Variants in MX2 observed in about 807,000 individuals in gnomAD.
The protein encoded by MX2 is interferon-induced GTP-binding protein Mx2.
Under a neutral mutation model 74.0 loss-of-function variants are expected in MX2, and 51 were observed. The ratio of observed to expected loss-of-function variants is 0.69; its 90% confidence interval spans 0.55 to 0.87. The LOEUF (loss-of-function observed/expected upper bound fraction) is 0.87, where lower values mean the gene tolerates loss of function less well. MX2 is among the 40% of genes least tolerant of loss of function. MX2 has a pLI of 0.00. For synonymous variants in MX2, 369 were observed against 339.3 expected (o/e 1.09, Z -0.96); for missense variants, 832 against 908.7 (o/e 0.92, Z 1.09).
At chr21:41,384,207 G>A (rs915367771) in intron 5 of MX2, among the ~76,000 whole-genome samples, 6 of 152,124 alleles carry the variant, frequency 3.9e-5, no homozygotes, top group East Asian at 1.9e-4. Context: ...TGTTAAGCCC[G>A]TGGAACTGCG....
intron 6 of MX2, among the ~76,000 whole-genome samples, chr21:41,393,721 T>A (rs1370068947): frequency 1.3e-5 from 2 of 152,128 alleles, no homozygotes; most frequent in African/African-American, 4.8e-5. Context: ...TGCCAGTGAC[T>A]CCCAAATCTG....
intron 8 of MX2, 48 bp from the exon 9 acceptor site, chr21:41,398,849 G>C: frequency 6.3e-7 from 1 of 1,591,044 alleles, no homozygotes; most frequent in Non-Finnish European, 8.6e-7. Context: ...AAATCAGTTG[G>C]CCAATCTCTT....
Position 41,380,066 on chromosome 21 carries a change from T to G in MX2, c.492T>G (p.Cys164Trp). The G allele has an allele frequency of 6.2e-7, 1 of 1,614,012 alleles. No homozygotes were observed. The highest frequency in any genetic ancestry group is 1.1e-5 in the South Asian group (1 of 91,082). The change falls in exon 4 of 14, where the codon TGT (cysteine) becomes TGG (tryptophan). Residue 164 changes from cysteine to tryptophan, a missense_variant. Coordinates refer to ENST00000330714, the MANE Select transcript of MX2 (RefSeq NM_002463.2). This position sits in a 1 kb window ranked among gnomAD's most constrained non-coding sequence, Gnocchi z 4.3. ...PLVLKLKKQP[C>W]EAWAGRISYR... The stretch of plus-strand genomic sequence containing the variant: ...TGCTGAAACTGAAAAAGCAGCCCTG[T>G]GAGGCATGGGCCGGAAGGATCAGCT...
In MX2 at chr21:41,379,890, G is replaced by A. The variant is rs149565748; in HGVS notation, c.443-127G>A. On this transcript the variant is annotated intron_variant, in intron 3 of 13. Coordinates refer to ENST00000330714, the MANE Select transcript of MX2 (RefSeq NM_002463.2). ...GTCCAGACCCCCTCACCTACTACCA[G>A]GCCCCAGGGAGAGCCAGAAAGTGCA... The A allele has an allele frequency of 1.3e-3, 1,613 of 1,218,870 alleles. 3 individuals carry two copies. Among genetic ancestry groups the A allele is most frequent in the Admixed American group, 3.2e-3 (155 of 48,002 alleles). The allele number at this position is 1,218,870 out of a possible 1,614,324, so 75.5% of individuals were successfully genotyped here.
At position 41,380,067 on chromosome 21, in the gene MX2, G is replaced by A. The variant is rs764863320; in HGVS notation, c.493G>A (p.Glu165Lys). The A allele has an allele frequency of 1.1e-5, 17 of 1,613,936 alleles. No homozygotes were observed. The highest frequency in any genetic ancestry group is 1.4e-5 in the Non-Finnish European group (16 of 1,179,940). Residue 165 changes from glutamate to lysine, a missense_variant, in exon 4 of 14, where the codon GAG becomes AAG. Glu to Lys is a moderately conservative substitution (Grantham distance 56). Coordinates refer to ENST00000330714, the MANE Select transcript of MX2 (RefSeq NM_002463.2). The surrounding 1 kb of genome is among the most constrained non-coding windows in gnomAD (Gnocchi z 4.3). ...LVLKLKKQPCEAWAGRISYRN... is the reference protein window; with the variant it reads ...LVLKLKKQPCKAWAGRISYRN... Reference sequence around the variant, plus strand: ...GCTGAAACTGAAAAAGCAGCCCTGTGAGGCATGGGCCGGAAGGATCAGCTA... The same window carrying A: ...GCTGAAACTGAAAAAGCAGCCCTGTAAGGCATGGGCCGGAAGGATCAGCTA...
rs2089430571 is a variant in MX2, at chr21:41,377,956, A to G, written c.417A>G (p.Ser139=). The part of the protein sequence containing the change: ...SGKSSVLEAL[S]GVALPRGSGI... ...AGAGCTCTGTGCTGGAGGCACTGTC[A>G]GGAGTCGCGCTTCCCAGAGGCAGCG... The change falls in exon 3 of 14, where the codon TCA becomes TCG. Residue 139 remains serine (S), a synonymous_variant. Transcript: ENST00000330714. 6.2e-7 allele frequency: 1 copy of G among 1,613,936 alleles called. No homozygotes were observed. The highest frequency in any genetic ancestry group is 8.5e-7 in the Non-Finnish European group (1 of 1,179,796).
intron 5 of MX2, 143 bp from the exon 6 acceptor site, chr21:41,390,422 G>C: frequency 1.6e-6 from 2 of 1,231,172 alleles, no homozygotes; most frequent in Admixed American, 3.7e-5. Context: ...GCATTCCCAG[G>C]ACGGGGCTCG....
At chr21:41,407,919 A>G in intron 13 of MX2, 72 bp from the exon 14 acceptor site, 2 of 1,586,100 alleles carry the variant, frequency 1.3e-6, no homozygotes, top group Non-Finnish European at 1.7e-6. Flanking sequence ...CAGGAACTCC[A>G]TGCCTTCTCT....
Position 41,383,966 on chromosome 21 carries a change from C to A in MX2, c.732+1402C>A, listed in dbSNP as rs1428893364. On this transcript the variant is annotated intron_variant, in intron 5 of 13. Transcript: ENST00000330714. ...CCCAAATCTCATCTCAAATTGTAAT[C>A]CCCACGTGTCAAGGGAGGGACCAGG... is the stretch of plus-strand genomic sequence containing the variant. 3.3e-5 allele frequency among the ~76,000 whole-genome samples: 5 copies of A among 152,210 alleles called. No homozygotes were observed. In the East Asian group the frequency reaches 5.8e-4, roughly 18 times the overall value.
At chr21:41,398,107 C>T (rs971884776) in intron 8 of MX2, among the ~76,000 whole-genome samples, 4 of 152,060 alleles carry the variant, frequency 2.6e-5, no homozygotes, top group South Asian at 2.1e-4. Context: ...GTCAAGAATT[C>T]GAGACCAGCC....
At chr21:41,367,277 AAGG>A (rs2089273968) in intron 1 of MX2, 1 of 152,190 alleles carries the variant, frequency 6.6e-6, no homozygotes, top group African/African-American at 2.4e-5. Context: ...TCTTTATATT[AAGG>A]AGATTAAATA....
intron 10 of MX2, chr21:41,401,282 T>G (rs2089810761): frequency 6.6e-6 from 1 of 152,188 alleles, no homozygotes; most frequent in Admixed American, 6.5e-5. Flanking sequence ...GCTGTTGTGT[T>G]TTTGTTCTGG....
At position 41,388,810 on chromosome 21, in the gene MX2, G is replaced by A. The variant is rs1200092537; in HGVS notation, c.733-1755G>A. ...CGGTGATTCCCAGCCCAGAGCTTTT[G>A]TACCCCCAGGGGACACTGGCAATGT... On this transcript the variant is annotated intron_variant, in intron 5 of 13. Coordinates refer to ENST00000330714, the MANE Select transcript of MX2 (RefSeq NM_002463.2). This position sits in a 1 kb window ranked among gnomAD's most constrained non-coding sequence, Gnocchi z 4.0. Among the ~76,000 whole-genome samples, 1 of 152,214 alleles carries A rather than the reference G, an allele frequency of 6.6e-6. No homozygotes were observed. The highest frequency in any genetic ancestry group is 2.4e-5 in the African/African-American group (1 of 41,458).
chr21:41,365,294 A>G (rs143805462), intron 1 of MX2: 15 of 152,264 alleles, frequency 9.9e-5, no homozygotes, highest in African/African-American at 2.9e-4. Context: ...AGATTGTGTC[A>G]TGGGAGTTTA....
intron 6 of MX2, among the ~76,000 whole-genome samples, chr21:41,391,570 C>T (rs573339120): frequency 1.6e-4 from 25 of 151,926 alleles, no homozygotes; most frequent in African/African-American, 2.4e-4. Flanking sequence ...TCAGTAGAGA[C>T]GGGGTTTCAC....
chr21:41,384,774 G>C (rs1770986646), intron 5 of MX2, among the ~76,000 whole-genome samples: 1 of 151,706 alleles, frequency 6.6e-6, no homozygotes, highest in Non-Finnish European at 1.5e-5. Context: ...GGGAGGCAGA[G>C]GTTGCAGTGA....
rs1187383003 is a variant in MX2, at chr21:41,376,848, A to G, written c.-59A>G. The G allele has an allele frequency of 6.3e-7, 1 of 1,592,700 alleles. No homozygotes were observed. Among genetic ancestry groups the G allele is most frequent in the Non-Finnish European group, 8.6e-7 (1 of 1,168,508 alleles). ...TGTGTCTTTGCAGAGCTTGTCAGGAAGATCGGAGGTGCCAAGTAGCAGAGA... is the reference window on the plus strand; with the variant it reads ...TGTGTCTTTGCAGAGCTTGTCAGGAGGATCGGAGGTGCCAAGTAGCAGAGA... On this transcript the variant is annotated 5_prime_UTR_variant, in exon 2 of 14. Transcript: ENST00000330714.
chr21:41,377,280 A>T (rs2089418727), intron 2 of MX2, 125 bp downstream of exon 2: 13 of 1,358,268 alleles, frequency 9.6e-6, no homozygotes, highest in Non-Finnish European at 1.3e-5. Flanking sequence ...TGATGTCTCC[A>T]GCTCTCCTGG....
intron 5 of MX2, chr21:41,390,230 G>A (rs2255764): frequency 0.19 from 52,938 of 284,762 alleles, 9,031 homozygotes; most frequent in African/African-American, 0.52. Flanking sequence ...TACAACATAC[G>A]CACAAGTCAC....
Sources: gnomAD v4.1 joint callset for allele counts (sites outside exome capture counted in the v4.1 genomes callset) on GRCh38, gnomAD v4.1.1 for gene constraint, Gnocchi (gnomAD v3.1) non-coding constraint, MANE v1.5 for transcripts, NCBI Gene and HGNC (gene_info 2026-07-23, HGNC 2026-07-21) for gene names.